EPHA6: variants seen among roughly 807,000 people sequenced by gnomAD.
EPHA6 encodes ephrin type-A receptor 6.
EPHA6 carries 50 observed loss-of-function variants against 112.0 expected under a neutral mutation model. The observed-to-expected ratio is 0.45, with a 90% CI of 0.36 to 0.56. The LOEUF is 0.56. EPHA6 is among the 20% of genes least tolerant of loss of function. The pLI is 0.00. For missense variants in EPHA6, 1,280 were observed against 1,417.4 expected, an observed-to-expected ratio of 0.90 and a Z score of 1.56; for synonymous variants, 529 against 490.7, an observed-to-expected ratio of 1.08 and a Z score of -1.03.
At chr3:97,494,692 A>C (rs1422266347) in intron 10 of EPHA6, among the ~76,000 whole-genome samples, 3 of 151,996 alleles carry the variant, frequency 2.0e-5, no homozygotes, top group Non-Finnish European at 4.4e-5. Flanking sequence ...TTGTGAGTAA[A>C]AAAAAAAAGT....
chr3:96,991,355 A>G (rs1456629819), intron 3 of EPHA6, among the ~76,000 whole-genome samples: 1 of 152,170 alleles, frequency 6.6e-6, no homozygotes, highest in Admixed American at 6.6e-5. Context: ...ATAAACAGCC[A>G]TCACTTATGT....
chr3:97,178,912 T>C (rs2076909758), intron 3 of EPHA6, among the ~76,000 whole-genome samples: 1 of 152,160 alleles, frequency 6.6e-6, no homozygotes, highest in South Asian at 2.1e-4. Context: ...TTCTCTGTTA[T>C]TATTCCTTTG....
chr3:97,135,148 C>T, intron 3 of EPHA6, among the ~76,000 whole-genome samples: 1 of 152,150 alleles, frequency 6.6e-6, no homozygotes, highest in East Asian at 1.9e-4. Flanking sequence ...CTTGAAAATA[C>T]ACGTATTTCA....
At chr3:97,217,802 G>A (rs937031340) in intron 3 of EPHA6, among the ~76,000 whole-genome samples, 2 of 152,088 alleles carry the variant, frequency 1.3e-5, no homozygotes, top group African/African-American at 4.8e-5. Flanking sequence ...AGGTGATTTT[G>A]GAAAAATAGA....
chr3:96,860,339 C>T (rs1213516379), intron 1 of EPHA6, among the ~76,000 whole-genome samples: 1 of 151,818 alleles, frequency 6.6e-6, no homozygotes, highest in Non-Finnish European at 1.5e-5. Context: ...TTTTTCCTTT[C>T]CAATATAAAG....
intron 2 of EPHA6, among the ~76,000 whole-genome samples, chr3:96,876,785 A>G (rs1470700362): frequency 6.6e-6 from 1 of 151,688 alleles, no homozygotes; most frequent in East Asian, 1.9e-4. Flanking sequence ...CTTCACTCCA[A>G]CCCCCACTTT....
At chr3:96,900,029 G>A (rs1383202216) in intron 2 of EPHA6, among the ~76,000 whole-genome samples, 1 of 152,078 alleles carries the variant, frequency 6.6e-6, no homozygotes, top group South Asian at 2.1e-4. Flanking sequence ...TGTGAACCAT[G>A]GGAAAGTAAA....
intron 5 of EPHA6, among the ~76,000 whole-genome samples, chr3:97,343,308 G>A (rs1038971339): frequency 6.6e-6 from 1 of 152,308 alleles, no homozygotes; most frequent in Non-Finnish European, 1.5e-5. Context: ...CTAGTGTTCT[G>A]TAGTAGGTAC....
At chr3:96,956,176 G>A (rs1243289709) in intron 2 of EPHA6, among the ~76,000 whole-genome samples, 4 of 152,094 alleles carry the variant, frequency 2.6e-5, no homozygotes, top group Admixed American at 2.0e-4. Context: ...ATATTCCTAA[G>A]CTTTCTGAAA....
chr3:97,363,763 T>C (rs1327385718), intron 5 of EPHA6, among the ~76,000 whole-genome samples: 1 of 151,960 alleles, frequency 6.6e-6, no homozygotes, highest in Non-Finnish European at 1.5e-5. Context: ...CAAATGTCCA[T>C]TAAAAGATGA....
intron 3 of EPHA6, among the ~76,000 whole-genome samples, chr3:97,078,114 TGG>T (rs1268947645): frequency 6.6e-6 from 1 of 152,200 alleles, no homozygotes; most frequent in Non-Finnish European, 1.5e-5. Flanking sequence ...TATCTCATTG[TGG>T]TTTTGATTTG....
rs565411418 is a variant in EPHA6 at position 97,203,373 on chromosome 3, G to A, written c.1115-22891G>A. Among the ~76,000 whole-genome samples the A allele has an allele frequency of 3.3e-4, 50 of 152,168 alleles. No homozygotes were observed. In the South Asian group the frequency reaches 8.9e-3, roughly 27 times the overall value. On this transcript the variant is annotated intron_variant, in intron 3 of 17. Transcript: ENST00000389672. ...TTAGAGCCACAGGAACTCACATAGC[G>A]ATTTGCCTGCTTGAGGCAATTAGGA...
At chr3:97,064,081 C>T in intron 3 of EPHA6, among the ~76,000 whole-genome samples, 1 of 152,104 alleles carries the variant, frequency 6.6e-6, no homozygotes, top group East Asian at 1.9e-4. Context: ...GGTTCTGGAT[C>T]CAGCATCTTA....
At chr3:97,617,987 G>T (rs7431324) in intron 13 of EPHA6, among the ~76,000 whole-genome samples, 1 of 151,754 alleles carries the variant, frequency 6.6e-6, no homozygotes, top group Non-Finnish European at 1.5e-5. Flanking sequence ...CATTTTTCTC[G>T]TCACCACATG....
chr3:96,891,804 C>T (rs562908918), intron 2 of EPHA6, among the ~76,000 whole-genome samples: 23 of 152,268 alleles, frequency 1.5e-4, no homozygotes, highest in African/African-American at 5.3e-4. Flanking sequence ...AAAAATTTAT[C>T]GATCTGTACA....
intron 16 of EPHA6, among the ~76,000 whole-genome samples, chr3:97,745,723 G>T (rs1448927492): frequency 6.6e-6 from 1 of 151,776 alleles, no homozygotes; most frequent in East Asian, 1.9e-4. Flanking sequence ...TGAATTCTAG[G>T]CCTTCCAAGG....
chr3:97,139,785 C>T (rs781210743), intron 3 of EPHA6, among the ~76,000 whole-genome samples: 10 of 152,078 alleles, frequency 6.6e-5, no homozygotes, highest in South Asian at 2.1e-4. Context: ...ATCAGTGTTG[C>T]GACACCCCCA....
intron 13 of EPHA6, among the ~76,000 whole-genome samples, chr3:97,618,254 A>T (rs568017819): frequency 9.9e-5 from 15 of 152,264 alleles, no homozygotes; most frequent in African/African-American, 3.6e-4. Context: ...AATGTGCCAG[A>T]ATCTCTGGGA....
chr3:97,612,497 C>A, intron 13 of EPHA6: 2 of 315,382 alleles, frequency 6.3e-6, no homozygotes, highest in South Asian at 2.7e-5. Flanking sequence ...TAGCTTCTCC[C>A]CTAATTTATA....
Sources: allele counts gnomAD v4.1 joint callset (sites outside exome capture counted in the v4.1 genomes callset), GRCh38; gene constraint gnomAD v4.1.1; transcripts MANE v1.5; gene names NCBI Gene and HGNC (gene_info 2026-07-23, HGNC 2026-07-21).